HACD2: variants seen among roughly 807,000 people sequenced by gnomAD.
HACD2 encodes the protein very-long-chain (3R)-3-hydroxyacyl-CoA dehydratase 2.
In HACD2, 15 loss-of-function variants were observed where a neutral mutation model predicts 31.0. That is an observed-to-expected ratio of 0.48 (90% CI 0.32 to 0.75). The LOEUF (loss-of-function observed/expected upper bound fraction) is 0.75. HACD2 is among the 30% of genes least tolerant of loss of function. HACD2 has a pLI of 0.03. For missense variants in HACD2, 283 were observed against 313.0 expected, an observed-to-expected ratio of 0.90 and a Z score of 0.72; for synonymous variants, 115 against 122.2, an observed-to-expected ratio of 0.94 and a Z score of 0.39.
intron 3 of HACD2, among the ~76,000 whole-genome samples, chr3:123,556,249 C>CAACACGGAG (rs1260518915): frequency 9.9e-5 from 15 of 152,102 alleles, no homozygotes; most frequent in Non-Finnish European, 1.9e-4. Context: ...CCATCCCTGG[C>CAACACGGAG]AACACGGAGA....
rs2055912654 is a variant in HACD2 at position 123,502,353 on chromosome 3, TAAGTA to T, written c.503+202_503+206del. ...AGAACTGATCCCAATTAAAATAATT[TAAGTA>T]AAATATAAAAACCTTAAAACAGTAT... On this transcript the variant is annotated intron_variant, in intron 5 of 6. Coordinates refer to ENST00000383657, the MANE Select transcript of HACD2 (RefSeq NM_198402.5). Among the ~76,000 whole-genome samples the T allele has an allele frequency of 2.0e-5, 3 of 152,330 alleles. No individual in the cohort carries two copies. In the South Asian group the frequency reaches 6.2e-4, roughly 32 times the overall value.
intron 2 of HACD2, among the ~76,000 whole-genome samples, chr3:123,574,147 T>C (rs1168001142): frequency 6.6e-6 from 1 of 152,266 alleles, no homozygotes; most frequent in Non-Finnish European, 1.5e-5. Flanking sequence ...ACATATTTTG[T>C]TTCTCTGTTC....
chr3:123,522,517 C>T (rs1225128380), intron 4 of HACD2, among the ~76,000 whole-genome samples: 1 of 152,076 alleles, frequency 6.6e-6, no homozygotes, highest in Non-Finnish European at 1.5e-5. Flanking sequence ...ACCATCTATG[C>T]TAAATATAGG....
intron 3 of HACD2, among the ~76,000 whole-genome samples, chr3:123,564,942 A>G (rs539175700): frequency 6.6e-6 from 1 of 152,136 alleles, no homozygotes; most frequent in South Asian, 2.1e-4. Flanking sequence ...TCAGAGTCTG[A>G]GGGGGAAGCA....
In HACD2 at chr3:123,584,969, G is replaced by A. The variant is rs1209127115; in HGVS notation, c.59C>T (p.Ala20Val). The change falls in exon 1 of 7, where the codon GCC becomes GTC. Residue 20 changes from alanine (A) to valine (V), a missense_variant. Transcript: ENST00000383657. ...CGTGCCGCTGGCGTCCCCGGCCCCG[G>A]CCCTGCCACCGCCGCCCCCATTCCC... is the stretch of plus-strand genomic sequence containing the variant. ...AKGNGGGGGRAGAGDASGTRK... is the reference protein window; with the variant it reads ...AKGNGGGGGRVGAGDASGTRK... 1.3e-6 allele frequency: 2 copies of A among 1,527,774 alleles called. No individual in the cohort carries two copies. Among genetic ancestry groups the A allele is most frequent in the Non-Finnish European group, 1.8e-6 (2 of 1,137,876 alleles). The allele number at this position is 1,527,774 out of a possible 1,614,324, so 94.6% of individuals were successfully genotyped here.
intron 3 of HACD2, among the ~76,000 whole-genome samples, chr3:123,542,591 G>A (rs561934657): frequency 4.6e-5 from 7 of 152,268 alleles, no homozygotes; most frequent in East Asian, 1.9e-4. Flanking sequence ...AGATGCCAAC[G>A]GCATAAGCCA....
intron 3 of HACD2, among the ~76,000 whole-genome samples, chr3:123,563,413 G>C (rs369092967): frequency 6.6e-6 from 1 of 152,170 alleles, no homozygotes. Flanking sequence ...GGAAAGACTG[G>C]AGAAGTGGGC....
In HACD2 at chr3:123,565,498, T is replaced by A. The variant is rs563935848; in HGVS notation, c.292+2264A>T. Among the ~76,000 whole-genome samples the A allele has an allele frequency of 4.3e-4, 65 of 152,282 alleles. 2 individuals carry two copies. The South Asian group carries it at 0.013, about 32-fold the overall frequency. On this transcript the variant is annotated intron_variant, in intron 3 of 6. Coordinates refer to ENST00000383657, the MANE Select transcript of HACD2 (RefSeq NM_198402.5). Reference sequence around the variant, plus strand: ...ACAAGGACACAGTAAGAAGCTACTGTCTATGAGCAACAGGCCCTCACCAGA... The same window carrying A: ...ACAAGGACACAGTAAGAAGCTACTGACTATGAGCAACAGGCCCTCACCAGA...
chr3:123,542,425 C>T (rs1357022700), intron 3 of HACD2, among the ~76,000 whole-genome samples: 1 of 152,104 alleles, frequency 6.6e-6, no homozygotes, highest in African/African-American at 2.4e-5. Context: ...AACAACCATA[C>T]TCACATTTTA....
chr3:123,554,724 GTGAT>G (rs2056656152), intron 3 of HACD2, among the ~76,000 whole-genome samples: 1 of 152,100 alleles, frequency 6.6e-6, no homozygotes. Flanking sequence ...TAATATTAAA[GTGAT>G]TGATTAAGGG....
Position 123,584,896 on chromosome 3 carries a change from G to T in HACD2, c.132C>A (p.Ile44=). The T allele has an allele frequency of 6.6e-7, 1 of 1,525,776 alleles. No individual in the cohort carries two copies. The highest frequency in any genetic ancestry group is 2.7e-5 in the East Asian group (1 of 36,742). The allele number at this position is 1,525,776 out of a possible 1,614,324, so 94.5% of individuals were successfully genotyped here. A position where few individuals can be genotyped will look rare whatever the true frequency, so the allele number is the denominator to read the frequency against. ...PGPLATAYLV[I]YNVVMTAGWL... is the part of the protein sequence containing the mutation. ...ACCCGGCTGTCATCACCACATTGTA[G>T]ATGACCAGGTACGCCGTGGCCAGGG... The change falls in exon 1 of 7, where the codon ATC becomes ATA. Residue 44 remains isoleucine (I), a synonymous_variant. Coordinates refer to ENST00000383657, the MANE Select transcript of HACD2 (RefSeq NM_198402.5).
chr3:123,539,859 A>G (rs1173887499), intron 3 of HACD2, among the ~76,000 whole-genome samples: 1 of 125,658 alleles, frequency 8.0e-6, no homozygotes, highest in East Asian at 2.7e-4. Context: ...GGATCACTTG[A>G]GTTCAGGAGT....
intron 6 of HACD2, among the ~76,000 whole-genome samples, chr3:123,497,168 C>T (rs1290869702): frequency 3.3e-5 from 5 of 152,158 alleles, no homozygotes; most frequent in East Asian, 3.9e-4. Context: ...AGACTGAACC[C>T]GACCATGAGA....
At chr3:123,582,904 A>T (rs1391457329) in intron 1 of HACD2, among the ~76,000 whole-genome samples, 1 of 152,228 alleles carries the variant, frequency 6.6e-6, no homozygotes, top group East Asian at 1.9e-4. Flanking sequence ...AAGCCAGATC[A>T]ATACAAACCA....
intron 2 of HACD2, among the ~76,000 whole-genome samples, chr3:123,572,343 C>CA (rs2056863828): frequency 6.6e-6 from 1 of 152,044 alleles, no homozygotes; most frequent in Non-Finnish European, 1.5e-5. Flanking sequence ...CCCAGCTCTA[C>CA]AAAAAATTTT....
chr3:123,496,872 G>A (rs2055839591), intron 6 of HACD2, among the ~76,000 whole-genome samples: 2 of 152,212 alleles, frequency 1.3e-5, no homozygotes, highest in Admixed American at 6.5e-5. Flanking sequence ...CCCGGGGAAG[G>A]AGAATGACCT....
intron 3 of HACD2, among the ~76,000 whole-genome samples, chr3:123,549,760 C>T (rs1331865625): frequency 6.6e-6 from 1 of 152,056 alleles, no homozygotes; most frequent in African/African-American, 2.4e-5. Context: ...AAAACAACAA[C>T]AACAACAAAA....
chr3:123,583,273 C>T (rs1222776069), intron 1 of HACD2, among the ~76,000 whole-genome samples: 2 of 152,192 alleles, frequency 1.3e-5, no homozygotes, highest in Non-Finnish European at 2.9e-5. Context: ...TCCTTACCCT[C>T]CACCCCATTC....
chr3:123,544,603 T>C (rs922701498), intron 3 of HACD2, among the ~76,000 whole-genome samples: 1 of 152,106 alleles, frequency 6.6e-6, no homozygotes, highest in Non-Finnish European at 1.5e-5. Context: ...TTTTCAGAAA[T>C]GCTACCTAAA....
Sources: gnomAD v4.1 joint callset for allele counts (sites outside exome capture counted in the v4.1 genomes callset) on GRCh38, gnomAD v4.1.1 for gene constraint, MANE v1.5 for transcripts, NCBI Gene and HGNC (gene_info 2026-07-23, HGNC 2026-07-21) for gene names.